The following COL27A1 variants were observed in gnomAD, a reference collection of about 807,000 sequenced individuals.
The protein encoded by COL27A1 is collagen alpha-1(XXVII) chain.
COL27A1 carries 106 observed loss-of-function variants against 251.3 expected under a neutral mutation model. That is an observed-to-expected ratio of 0.42 (90% CI 0.36 to 0.50). The LOEUF is 0.50. Ranked by LOEUF, COL27A1 falls within the 20% of genes least tolerant of loss-of-function variation. COL27A1 has a pLI of 0.00. For synonymous variants in COL27A1, 1,000 were observed against 986.3 expected, an observed-to-expected ratio of 1.01 and a Z score of -0.26; for missense variants, 2,325 against 2,522.8, an observed-to-expected ratio of 0.92 and a Z score of 1.68.
chr9:114,194,746 C>T (rs932789122), intron 6 of COL27A1, among the ~76,000 whole-genome samples: 1 of 152,200 alleles, frequency 6.6e-6, no homozygotes, highest in African/African-American at 2.4e-5. Context: ...TGTCCTTTTG[C>T]CTAATGTCCT....
At chr9:114,274,741 T>C (rs1835377612) in intron 36 of COL27A1, among the ~76,000 whole-genome samples, 2 of 152,198 alleles carry the variant, frequency 1.3e-5, no homozygotes, top group Admixed American at 1.3e-4. Flanking sequence ...TTTACTGCTG[T>C]CCGATTCATT....
intron 21 of COL27A1, among the ~76,000 whole-genome samples, chr9:114,241,438 G>A (rs1423828629): frequency 6.6e-6 from 1 of 152,242 alleles, no homozygotes; most frequent in Non-Finnish European, 1.5e-5. Flanking sequence ...GCTGGGGGGT[G>A]TCTCTGGAGG....
At chr9:114,213,964 C>T (rs142222385) in intron 12 of COL27A1, among the ~76,000 whole-genome samples, 314 of 152,288 alleles carry the variant, frequency 2.1e-3, no homozygotes, top group Non-Finnish European at 3.4e-3. Flanking sequence ...CAGCCCTAGA[C>T]CTGTGCAATA....
At chr9:114,237,812 G>T (rs1197604235) in intron 19 of COL27A1, 97 bp downstream of exon 19, 2 of 956,782 alleles carry the variant, frequency 2.1e-6, no homozygotes, top group Admixed American at 1.8e-5. Context: ...ACTTGCTTTA[G>T]GTCACACAGG....
intron 10 of COL27A1, among the ~76,000 whole-genome samples, chr9:114,207,502 C>T (rs1358020328): frequency 6.6e-6 from 1 of 152,244 alleles, no homozygotes; most frequent in Non-Finnish European, 1.5e-5. Context: ...GCCAGAAGGA[C>T]AGGCATGTTA....
chr9:114,191,348 A>T (rs1828734851), intron 5 of COL27A1, among the ~76,000 whole-genome samples: 1 of 151,862 alleles, frequency 6.6e-6, no homozygotes, highest in South Asian at 2.1e-4. Flanking sequence ...GGTTTGTTGC[A>T]CCTATCAACC....
intron 56 of COL27A1, among the ~76,000 whole-genome samples, chr9:114,303,109 G>A (rs1828778328): frequency 6.6e-6 from 1 of 152,166 alleles, no homozygotes; most frequent in Admixed American, 6.5e-5. Context: ...GGAAAGGAAA[G>A]TGAAAAGATC....
intron 6 of COL27A1, among the ~76,000 whole-genome samples, chr9:114,194,845 C>T (rs188165426): frequency 5.3e-5 from 8 of 152,330 alleles, no homozygotes; most frequent in African/African-American, 1.9e-4. Context: ...AATAGACACT[C>T]AAAGCCTTTG....
intron 14 of COL27A1, among the ~76,000 whole-genome samples, chr9:114,230,020 T>C (rs1165388709): frequency 1.3e-5 from 2 of 152,204 alleles, no homozygotes; most frequent in African/African-American, 2.4e-5. Context: ...AGTATTTACA[T>C]GTGAAATCAG....
intron 12 of COL27A1, 64 bp from the exon 13 acceptor site, chr9:114,219,727 C>A: frequency 8.3e-7 from 1 of 1,210,170 alleles, no homozygotes; most frequent in South Asian, 1.2e-5. Context: ...GGGTCTGGAT[C>A]AAAGCCCACC....
chr9:114,222,282 G>GC lies in COL27A1; in HGVS notation c.2466+17dup. The GC allele has an allele frequency of 6.2e-7, 1 of 1,611,126 alleles. No homozygotes were observed. The highest frequency in any genetic ancestry group is 8.5e-7 in the Non-Finnish European group (1 of 1,177,738). On this transcript the variant is annotated intron_variant, in intron 14 of 60. Transcript: ENST00000356083. ...CCGGCCTCATTGTAAGTACATTGAT[G>GC]CCTGGGGCAGCAGGTGGGTGTTGAG...
rs146710122 is a variant in COL27A1, at chr9:114,240,484, C to T, written c.2832C>T (p.Pro944=). Residue 944 remains proline, a synonymous_variant, in exon 21 of 61, where the codon CCC becomes CCT. Coordinates refer to ENST00000356083, the MANE Select transcript of COL27A1 (RefSeq NM_032888.4). ...GLPGPRGQLG[P]EGDEGPMGPP... The stretch of plus-strand genomic sequence containing the variant: ...CGGGACCCCGTGGGCAGCTGGGGCC[C>T]GAGGTGAGACTGTCTGGCCCCCTCC... 7.8e-5 allele frequency: 125 copies of T among 1,609,850 alleles called. No individual in the cohort carries two copies. Among genetic ancestry groups the T allele is most frequent in the African/African-American group, 4.0e-4 (30 of 74,902 alleles).
Position 114,293,023 on chromosome 9 carries a change from C to T in COL27A1, c.4584+813C>T, listed in dbSNP as rs1828027866. 2.6e-5 allele frequency among the ~76,000 whole-genome samples: 4 copies of T among 152,284 alleles called. No homozygotes were observed. The South Asian group carries it at 8.3e-4, about 32-fold the overall frequency. On this transcript the variant is annotated intron_variant, in intron 49 of 60. Coordinates refer to ENST00000356083, the MANE Select transcript of COL27A1 (RefSeq NM_032888.4). ...CTCAAGGATTTCAATATATTTCTCT[C>T]CTAATGGGTAGAACAGAAGCAAACA...
At chr9:114,155,382 C>T (rs1326270548), upstream of COL27A1, among the ~76,000 whole-genome samples, 4 of 152,034 alleles carry the variant, frequency 2.6e-5, no homozygotes, top group South Asian at 6.2e-4. The surrounding 1 kb of genome is among the most constrained non-coding windows in gnomAD (Gnocchi z 5.5). Context: ...GGTGTCCCAT[C>T]GGGGCTGTAG....
chr9:114,154,396 G>A (rs1438014073), upstream of COL27A1, among the ~76,000 whole-genome samples: 6 of 152,220 alleles, frequency 3.9e-5, no homozygotes, highest in Admixed American at 3.3e-4. This position sits in a 1 kb window ranked among gnomAD's most constrained non-coding sequence, Gnocchi z 5.8. Flanking sequence ...CTCCTGGAGC[G>A]GTGCGAAGTG....
intron 7 of COL27A1, 61 bp from the exon 8 acceptor site, chr9:114,205,041 T>C: frequency 6.5e-7 from 1 of 1,548,714 alleles, no homozygotes; most frequent in Non-Finnish European, 8.9e-7. Flanking sequence ...GCTGGGCCCT[T>C]GCGATCTCCA....
chr9:114,182,066 C>T (rs1827961294), intron 4 of COL27A1, among the ~76,000 whole-genome samples: 1 of 151,974 alleles, frequency 6.6e-6, no homozygotes, highest in African/African-American at 2.4e-5. Flanking sequence ...GGGCCAGCTG[C>T]CGTGGCTCAC....
chr9:114,183,764 C>G (rs924851348), intron 5 of COL27A1, among the ~76,000 whole-genome samples: 3 of 152,146 alleles, frequency 2.0e-5, no homozygotes, highest in African/African-American at 7.2e-5. Context: ...CAGGATTGCT[C>G]TGAGCTGGAG....
At position 114,155,832 on chromosome 9, in the gene COL27A1, G is replaced by A; in HGVS notation, c.-119G>A. The A allele has an allele frequency of 2.4e-6, 2 of 835,340 alleles. No individual in the cohort carries two copies. Among genetic ancestry groups the A allele is most frequent in the Non-Finnish European group, 1.4e-6 (1 of 691,604 alleles). 51.7% of individuals were successfully genotyped at this position (835,340 alleles called of 1,614,324 possible). A position where few individuals can be genotyped will look rare whatever the true frequency, so the allele number is the denominator to read the frequency against. The stretch of plus-strand genomic sequence containing the variant: ...CGCCCCTGGGCGCGGGGCTGCGCTG[G>A]GGGCGCGGGGGCCGCGCGCTCTAAG... On this transcript the variant is annotated 5_prime_UTR_variant, in exon 1 of 61. It introduces an in-frame stop codon into an upstream open reading frame of the 5' UTR. Transcript: ENST00000356083. This position sits in a 1 kb window ranked among gnomAD's most constrained non-coding sequence, Gnocchi z 5.5.
Sources: allele counts gnomAD v4.1 joint callset (sites outside exome capture counted in the v4.1 genomes callset), GRCh38; gene constraint gnomAD v4.1.1; non-coding constraint Gnocchi (gnomAD v3.1); transcripts MANE v1.5; gene names NCBI Gene and HGNC (gene_info 2026-07-23, HGNC 2026-07-21).